The following FAM135B variants were observed in gnomAD, a reference collection of about 807,000 sequenced individuals.
FAM135B encodes protein FAM135B.
A neutral mutation model predicts 127.7 loss-of-function variants in FAM135B; 43 were observed. The observed-to-expected ratio is 0.34, with a 90% CI of 0.26 to 0.43. The LOEUF (loss-of-function observed/expected upper bound fraction) is 0.43. Ranked by LOEUF, FAM135B falls within the 20% of genes least tolerant of loss-of-function variation. FAM135B has a pLI of 1.00. For synonymous variants in FAM135B, 670 were observed against 665.1 expected (o/e 1.01, Z -0.11); for missense variants, 1,558 against 1,725.6 (o/e 0.90, Z 1.72).
chr8:138,230,547 C>T (rs766525889), intron 7 of FAM135B, among the ~76,000 whole-genome samples: 1 of 152,170 alleles, frequency 6.6e-6, no homozygotes, highest in Non-Finnish European at 1.5e-5. Context: ...AAGCCCTCTA[C>T]TGCAGCTGGG....
intron 7 of FAM135B, among the ~76,000 whole-genome samples, chr8:138,230,465 T>C (rs907062297): frequency 2.6e-5 from 4 of 152,170 alleles, no homozygotes; most frequent in Middle Eastern, 3.2e-3. Flanking sequence ...TTAGGAGGAA[T>C]AGAGAAAAGC....
chr8:138,480,424 G>A (rs1682263935), intron 1 of FAM135B, among the ~76,000 whole-genome samples: 2 of 152,134 alleles, frequency 1.3e-5, no homozygotes, highest in African/African-American at 4.8e-5. Context: ...AATCCTAATG[G>A]CAGAATTATA....
At position 138,275,383 on chromosome 8, in the gene FAM135B, T is replaced by C. The variant is rs1183671695; in HGVS notation, c.158-9541A>G. 2.0e-5 allele frequency among the ~76,000 whole-genome samples: 3 copies of C among 152,162 alleles called. No individual in the cohort carries two copies. The East Asian group carries it at 5.8e-4, about 29-fold the overall frequency. On this transcript the variant is annotated intron_variant, in intron 3 of 19. Coordinates refer to ENST00000395297, the MANE Select transcript of FAM135B (RefSeq NM_015912.4). ...CTTACCACCTATTTGTCTACTAATATAAAATATAAACTAGATGTTGGCCAG... is the reference window on the plus strand; with the variant it reads ...CTTACCACCTATTTGTCTACTAATACAAAATATAAACTAGATGTTGGCCAG...
At chr8:138,420,610 C>G (rs1449187044) in intron 1 of FAM135B, among the ~76,000 whole-genome samples, 1 of 151,960 alleles carries the variant, frequency 6.6e-6, no homozygotes, top group African/African-American at 2.4e-5. Flanking sequence ...CCTACCAAAT[C>G]AAATCCACCA....
At chr8:138,376,292 G>C (rs1197899344) in intron 1 of FAM135B, among the ~76,000 whole-genome samples, 1 of 152,128 alleles carries the variant, frequency 6.6e-6, no homozygotes, top group African/African-American at 2.4e-5. Context: ...TTAGTTGTCA[G>C]TTCTCACTAT....
intron 7 of FAM135B, among the ~76,000 whole-genome samples, chr8:138,239,050 T>C (rs1820522367): frequency 6.6e-6 from 1 of 152,236 alleles, no homozygotes; most frequent in African/African-American, 2.4e-5. Flanking sequence ...GAAAATGCTA[T>C]ACTGTATCAT....
chr8:138,251,136 C>T, intron 5 of FAM135B, 122 bp from the exon 6 acceptor site: 1 of 1,122,188 alleles, frequency 8.9e-7, no homozygotes, highest in East Asian at 2.4e-5. Context: ...TCGTTCAATC[C>T]TGCAAATGCT....
chr8:138,433,684 C>T (rs1207216554), intron 1 of FAM135B, among the ~76,000 whole-genome samples: 1 of 152,092 alleles, frequency 6.6e-6, no homozygotes, highest in Non-Finnish European at 1.5e-5. Flanking sequence ...ATCTAGGATT[C>T]TACCCAAATC....
intron 3 of FAM135B, among the ~76,000 whole-genome samples, chr8:138,287,133 C>T (rs1293789221): frequency 1.3e-5 from 2 of 152,136 alleles, no homozygotes; most frequent in African/African-American, 4.8e-5. Context: ...TACGGGAAGA[C>T]ATTTTCTACA....
intron 1 of FAM135B, among the ~76,000 whole-genome samples, chr8:138,484,187 C>T (rs1397353495): frequency 1.3e-5 from 2 of 152,046 alleles, no homozygotes; most frequent in African/African-American, 2.4e-5. Context: ...CAACCCTTCA[C>T]GCAGACCTGA....
At chr8:138,374,402 A>G (rs2131254082) in intron 1 of FAM135B, among the ~76,000 whole-genome samples, 1 of 152,350 alleles carries the variant, frequency 6.6e-6, no homozygotes, top group African/African-American at 2.4e-5. Context: ...AAAGTACAGA[A>G]AAATATTTTG....
chr8:138,273,150 T>G (rs1823516393), intron 3 of FAM135B, among the ~76,000 whole-genome samples: 1 of 152,188 alleles, frequency 6.6e-6, no homozygotes, highest in Non-Finnish European at 1.5e-5. Flanking sequence ...GCATAGAATT[T>G]TACCAGATAT....
intron 6 of FAM135B, among the ~76,000 whole-genome samples, chr8:138,247,032 G>A (rs576669353): frequency 5.3e-5 from 8 of 152,298 alleles, no homozygotes; most frequent in African/African-American, 1.9e-4. Flanking sequence ...CTCCCACTTG[G>A]AACAGCTGTA....
intron 3 of FAM135B, among the ~76,000 whole-genome samples, chr8:138,272,763 G>A (rs74599018): frequency 0.12 from 19,012 of 152,196 alleles, 1,393 homozygotes; most frequent in East Asian, 0.26. Context: ...TCCTTCGATT[G>A]GTCATAACTG....
At chr8:138,320,066 G>T (rs1475020421) in intron 2 of FAM135B, among the ~76,000 whole-genome samples, 1 of 152,134 alleles carries the variant, frequency 6.6e-6, no homozygotes, top group African/African-American at 2.4e-5. Flanking sequence ...CTCCTCTAGC[G>T]CCTCCACGCA....
intron 12 of FAM135B, among the ~76,000 whole-genome samples, chr8:138,160,545 T>G (rs1217619374): frequency 7.1e-6 from 1 of 140,952 alleles, no homozygotes; most frequent in African/African-American, 2.6e-5. Context: ...CATGCCACCA[T>G]GCCCAGCTCA....
At chr8:138,301,760 T>C (rs757979869) in intron 3 of FAM135B, among the ~76,000 whole-genome samples, 1 of 152,242 alleles carries the variant, frequency 6.6e-6, no homozygotes, top group East Asian at 1.9e-4. Context: ...AGCTTTCTCA[T>C]GTTAAAAAGA....
intron 7 of FAM135B, among the ~76,000 whole-genome samples, chr8:138,212,573 G>A (rs901584543): frequency 2.6e-5 from 4 of 152,198 alleles, no homozygotes; most frequent in African/African-American, 9.7e-5. Flanking sequence ...CAATGACTCT[G>A]CAGACAGCAG....
chr8:138,423,902 C>T (rs1432310178), intron 1 of FAM135B, among the ~76,000 whole-genome samples: 2 of 152,182 alleles, frequency 1.3e-5, no homozygotes, highest in Non-Finnish European at 2.9e-5. Context: ...TTCTCTTTCT[C>T]AGGGATGTTC....
Sources: allele counts gnomAD v4.1 joint callset (sites outside exome capture counted in the v4.1 genomes callset), GRCh38; gene constraint gnomAD v4.1.1; transcripts MANE v1.5; gene names NCBI Gene and HGNC (gene_info 2026-07-23, HGNC 2026-07-21).